Variants in AK7 observed in about 807,000 individuals in gnomAD.
The protein encoded by AK7 is ATP-AMP transphosphorylase 7.
AK7 carries 78 observed loss-of-function variants against 96.6 expected under a neutral mutation model. The ratio of observed to expected loss-of-function variants is 0.81; its 90% CI spans 0.67 to 0.97. The LOEUF is 0.97. Among genes scored for constraint, AK7 ranks in the 50% least tolerant of loss-of-function variants. AK7 has a pLI of 0.00. For synonymous variants in AK7, 302 were observed against 317.2 expected (o/e 0.95, Z 0.51); for missense variants, 855 against 887.9 (o/e 0.96, Z 0.47).
At chr14:96,401,341 A>T (rs1890397670) in intron 2 of AK7, among the ~76,000 whole-genome samples, 1 of 152,142 alleles carries the variant, frequency 6.6e-6, no homozygotes, top group African/African-American at 2.4e-5. Flanking sequence ...TGCCAAACAG[A>T]TCGGGGCCTC....
rs1890002089 is a variant in AK7 at position 96,395,280 on chromosome 14, A to G, written c.106-2795A>G. ...CTGCGTTCTTACAATAAAGTAAGCTAGAGGAAAGAAAATGTTTCTAAGAAA... is the reference window on the plus strand; with the variant it reads ...CTGCGTTCTTACAATAAAGTAAGCTGGAGGAAAGAAAATGTTTCTAAGAAA... On this transcript the variant is annotated intron_variant, in intron 1 of 17. Coordinates refer to ENST00000267584, the MANE Select transcript of AK7 (RefSeq NM_152327.5). Among the ~76,000 whole-genome samples the G allele has an allele frequency of 2.0e-5, 3 of 152,252 alleles. No individual in the cohort carries two copies. In the South Asian group the frequency reaches 6.2e-4, roughly 31 times the overall value.
intron 14 of AK7, among the ~76,000 whole-genome samples, chr14:96,477,379 T>C (rs752411989): frequency 2.0e-4 from 31 of 152,232 alleles, no homozygotes; most frequent in Non-Finnish European, 3.7e-4. Context: ...GGCATTATGA[T>C]GTTATAAGCC....
In AK7 at chr14:96,398,221, G is replaced by T; in HGVS notation, c.252G>T (p.Lys84Asn). Residue 84 changes from lysine (K) to asparagine (N), a missense_variant, in exon 2 of 18, where the codon AAG (lysine) becomes AAT (asparagine). By Grantham distance (94) the Lys-to-Asn change is moderately conservative (BLOSUM62 0). Transcript: ENST00000267584. ...GTFQIVGTLS[K>N]PDSPRPDFAV... Reference sequence around the variant, plus strand: ...TCCAGATTGTGGGCACGCTGTCCAAGCCTGACAGCCCGCGGCCTGACTTTG... The same window carrying T: ...TCCAGATTGTGGGCACGCTGTCCAATCCTGACAGCCCGCGGCCTGACTTTG... 1.2e-6 allele frequency: 2 copies of T among 1,613,802 alleles called. No individual in the cohort carries two copies. The highest frequency in any genetic ancestry group is 4.5e-5 in the East Asian group (2 of 44,876).
At chr14:96,413,540 G>A (rs1028430001) in intron 4 of AK7, among the ~76,000 whole-genome samples, 3 of 152,154 alleles carry the variant, frequency 2.0e-5, no homozygotes, top group African/African-American at 7.2e-5. Flanking sequence ...GGCTCTAATC[G>A]TTGCCTGCCC....
chr14:96,424,208 C>T, intron 5 of AK7: 1 of 536,768 alleles, frequency 1.9e-6, no homozygotes, highest in Non-Finnish European at 3.4e-6. Flanking sequence ...GTCTGAGGTT[C>T]ACCCGCGTGG....
chr14:96,474,266 T>G, intron 14 of AK7, among the ~76,000 whole-genome samples: 1 of 152,176 alleles, frequency 6.6e-6, no homozygotes, highest in South Asian at 2.1e-4. Context: ...CTGGAAGGAC[T>G]GAGACCACCA....
intron 14 of AK7, among the ~76,000 whole-genome samples, chr14:96,474,031 T>C (rs927116729): frequency 1.3e-5 from 2 of 152,234 alleles, no homozygotes; most frequent in Admixed American, 1.3e-4. Context: ...GTGACCTTCC[T>C]GTAAACGTTA....
At position 96,404,794 on chromosome 14, in the gene AK7, A is replaced by G; in HGVS notation, c.332A>G (p.Glu111Gly). Residue 111 changes from glutamate to glycine, a missense_variant, in exon 3 of 18, where the codon GAG becomes GGG. Transcript: ENST00000267584. ...GAAGACCTTCTCATGCGCCTGCTGG[A>G]GTGTGATGTTATTATTTATAACATC... ...SREDLLMRLL[E>G]CDVIIYNITE... 6.2e-7 allele frequency: 1 copy of G among 1,610,820 alleles called. No homozygotes were observed. Among genetic ancestry groups the G allele is most frequent in the Non-Finnish European group, 8.5e-7 (1 of 1,177,384 alleles).
Position 96,446,566 on chromosome 14 carries a change from G to A in AK7, c.829G>A (p.Ala277Thr), listed in dbSNP as rs1243484085. ...DHVPKPHYLVAVDESVHTLED... is the reference protein window; with the variant it reads ...DHVPKPHYLVTVDESVHTLED... ...CGTGCCAAAGCCTCACTACCTGGTT[G>A]CTGTGGATGAGTCTGTTCATACCCT... Residue 277 changes from alanine (A) to threonine (T), a missense_variant, in exon 8 of 18, where the codon GCT becomes ACT. Ala to Thr is a moderately conservative substitution (Grantham distance 58). Transcript: ENST00000267584. 6.2e-7 allele frequency: 1 copy of A among 1,614,148 alleles called. No homozygotes were observed. The highest frequency in any genetic ancestry group is 1.7e-5 in the Admixed American group (1 of 60,016).
chr14:96,394,952 G>A (rs976661960), intron 1 of AK7, among the ~76,000 whole-genome samples: 2 of 152,118 alleles, frequency 1.3e-5, no homozygotes, highest in Non-Finnish European at 2.9e-5. Flanking sequence ...CTCCAGCCTG[G>A]GCAACAGAGT....
At chr14:96,464,647 T>C (rs903093937) in intron 12 of AK7, among the ~76,000 whole-genome samples, 1 of 152,082 alleles carries the variant, frequency 6.6e-6, no homozygotes, top group Non-Finnish European at 1.5e-5. Flanking sequence ...TTGTTTCTTA[T>C]GTTACTTAAG....
In AK7 at chr14:96,441,533, G is replaced by A. The variant is rs528570602; in HGVS notation, c.691-1197G>A. Among the ~76,000 whole-genome samples the A allele has an allele frequency of 1.1e-4, 17 of 151,126 alleles. No homozygotes were observed. The South Asian group carries it at 3.1e-3, about 28-fold the overall frequency. On this transcript the variant is annotated intron_variant, in intron 6 of 17. Transcript: ENST00000267584. ...ACATGCTTGTGATCCCAACTATTCGGGAAGCTGAGGCAGGAGAATCACTTA... is the reference window on the plus strand; with the variant it reads ...ACATGCTTGTGATCCCAACTATTCGAGAAGCTGAGGCAGGAGAATCACTTA...
At chr14:96,397,919 A>G (rs1011157805) in intron 1 of AK7, among the ~76,000 whole-genome samples, 156 bp from the exon 2 acceptor site, 1 of 152,184 alleles carries the variant, frequency 6.6e-6, no homozygotes, top group African/African-American at 2.4e-5. Flanking sequence ...CCAGGAATGC[A>G]ATCAACTTAA....
chr14:96,448,939 G>C (rs1341744267), intron 8 of AK7, among the ~76,000 whole-genome samples: 1 of 151,864 alleles, frequency 6.6e-6, no homozygotes, highest in Non-Finnish European at 1.5e-5. Context: ...CTGAGTAACA[G>C]AGCAAGACCC....
intron 17 of AK7, among the ~76,000 whole-genome samples, 187 bp downstream of exon 17, chr14:96,487,243 G>A (rs993265981): frequency 4.7e-5 from 7 of 150,118 alleles, no homozygotes; most frequent in African/African-American, 1.5e-4. Flanking sequence ...AAATTAGCTG[G>A]GTGTGGTGGC....
At chr14:96,433,643 T>C (rs1892479052) in intron 5 of AK7, among the ~76,000 whole-genome samples, 1 of 152,186 alleles carries the variant, frequency 6.6e-6, no homozygotes, top group Non-Finnish European at 1.5e-5. Flanking sequence ...GAGAAGTTTG[T>C]TATTACCGAC....
At chr14:96,479,200 C>T (rs1895370192) in intron 15 of AK7, among the ~76,000 whole-genome samples, 2 of 152,026 alleles carry the variant, frequency 1.3e-5, no homozygotes, top group Admixed American at 1.3e-4. Flanking sequence ...CCTCAGCCTC[C>T]CGAGTAGCTG....
chr14:96,456,235 T>G, intron 10 of AK7, 112 bp from the exon 11 acceptor site: 2 of 956,520 alleles, frequency 2.1e-6, no homozygotes, highest in Non-Finnish European at 2.8e-6. Context: ...AGAGACTCTG[T>G]CTCAAAAAAA....
chr14:96,424,812 A>G (rs1293272055), intron 5 of AK7, among the ~76,000 whole-genome samples: 2 of 152,324 alleles, frequency 1.3e-5, no homozygotes, highest in Middle Eastern at 6.8e-3. Flanking sequence ...TTCCAGTTCT[A>G]AATTCCATAA....
Sources: allele counts gnomAD v4.1 joint callset (sites outside exome capture counted in the v4.1 genomes callset), GRCh38; gene constraint gnomAD v4.1.1; transcripts MANE v1.5; gene names NCBI Gene and HGNC (gene_info 2026-07-23, HGNC 2026-07-21).